The following PCDH9 variants were observed in gnomAD, a reference collection of about 807,000 sequenced individuals.
PCDH9 encodes protocadherin-9.
A neutral mutation model predicts 70.6 loss-of-function variants in PCDH9; 24 were observed. The observed-to-expected ratio is 0.34, with a 90% confidence interval of 0.25 to 0.48. The LOEUF (loss-of-function observed/expected upper bound fraction) is 0.48. PCDH9 is among the 20% of genes least tolerant of loss of function. PCDH9 has a pLI of 0.99. For missense variants in PCDH9, 1,281 were observed against 1,503.6 expected, an observed-to-expected ratio of 0.85 and a Z score of 2.45; for synonymous variants, 562 against 558.5, an observed-to-expected ratio of 1.01 and a Z score of -0.09.
intron 2 of PCDH9, among the ~76,000 whole-genome samples, chr13:67,010,601 T>G (rs1321132526): frequency 6.6e-6 from 1 of 151,952 alleles, no homozygotes; most frequent in Admixed American, 6.6e-5. Context: ...AGTCCTAGGA[T>G]CTTCTATTAC....
At chr13:67,094,166 C>G (rs1046967711) in intron 2 of PCDH9, among the ~76,000 whole-genome samples, 3 of 152,164 alleles carry the variant, frequency 2.0e-5, no homozygotes, top group Admixed American at 1.3e-4. Flanking sequence ...CAAAATAGAA[C>G]ATTCTTAAGT....
chr13:67,132,913 C>T (rs1165452454), intron 2 of PCDH9, among the ~76,000 whole-genome samples: 1 of 152,082 alleles, frequency 6.6e-6, no homozygotes, highest in Non-Finnish European at 1.5e-5. Flanking sequence ...GAAAGCCTAT[C>T]CTGACTACTC....
intron 4 of PCDH9, among the ~76,000 whole-genome samples, chr13:66,585,035 G>A (rs574538883): frequency 1.8e-4 from 27 of 152,134 alleles, no homozygotes; most frequent in African/African-American, 6.5e-4. Flanking sequence ...TTGGGGGTAG[G>A]GGGTAGGATA....
chr13:66,907,006 G>T (rs2082373189), intron 2 of PCDH9, among the ~76,000 whole-genome samples: 1 of 152,026 alleles, frequency 6.6e-6, no homozygotes, highest in African/African-American at 2.4e-5. Context: ...AGGAGTTTGA[G>T]ACCAGCCTGG....
At chr13:66,809,101 C>T (rs963657464) in intron 3 of PCDH9, among the ~76,000 whole-genome samples, 1 of 152,154 alleles carries the variant, frequency 6.6e-6, no homozygotes, top group Non-Finnish European at 1.5e-5. Context: ...GCCCCCGCCA[C>T]CACGCTCGAC....
At position 66,602,345 on chromosome 13, in the gene PCDH9, T is replaced by C. The variant is rs1017848196; in HGVS notation, c.3340+28865A>G. ...TTGATCTAGAAGAAATCATTGTTATTATAGGAGATAACAGCTCCATACATG... is the reference window on the plus strand; with the variant it reads ...TTGATCTAGAAGAAATCATTGTTATCATAGGAGATAACAGCTCCATACATG... On this transcript the variant is annotated intron_variant, in intron 4 of 4. Transcript: ENST00000377865. Among the ~76,000 whole-genome samples the C allele has an allele frequency of 2.7e-5, 4 of 146,394 alleles. 1 individual carries two copies. Among genetic ancestry groups the C allele is most frequent in the South Asian group, 4.4e-4 (2 of 4,554 alleles).
intron 4 of PCDH9, among the ~76,000 whole-genome samples, chr13:66,541,794 C>T (rs1162777392): frequency 6.6e-6 from 1 of 152,180 alleles, no homozygotes; most frequent in East Asian, 1.9e-4. Flanking sequence ...GTCTGACCCA[C>T]TACAGAGTAG....
chr13:67,096,814 C>G (rs569647405), intron 2 of PCDH9, among the ~76,000 whole-genome samples: 1 of 152,144 alleles, frequency 6.6e-6, no homozygotes, highest in East Asian at 1.9e-4. Flanking sequence ...CATGGGAATT[C>G]TTTGTACTTT....
At chr13:66,778,170 A>T (rs2139291084) in intron 3 of PCDH9, among the ~76,000 whole-genome samples, 1 of 151,600 alleles carries the variant, frequency 6.6e-6, no homozygotes, top group East Asian at 2.0e-4. Context: ...TTTAGGAGAT[A>T]TACCTAATGC....
intron 2 of PCDH9, among the ~76,000 whole-genome samples, chr13:67,152,746 T>C (rs1256991523): frequency 6.6e-6 from 1 of 152,154 alleles, no homozygotes; most frequent in Non-Finnish European, 1.5e-5. Flanking sequence ...GAAAGAATCA[T>C]CATTACTGCT....
chr13:67,082,907 T>C (rs1407867605), intron 2 of PCDH9, among the ~76,000 whole-genome samples: 1 of 152,156 alleles, frequency 6.6e-6, no homozygotes, highest in Non-Finnish European at 1.5e-5. Flanking sequence ...CTTTGAAACT[T>C]TATCTTTTCT....
intron 3 of PCDH9, among the ~76,000 whole-genome samples, chr13:66,718,307 TA>T (rs2078897451): frequency 6.6e-6 from 1 of 152,190 alleles, no homozygotes; most frequent in Non-Finnish European, 1.5e-5. Context: ...TATGTTGTGT[TA>T]CTCAAGCCCC....
At chr13:66,981,288 G>A (rs1016761312) in intron 2 of PCDH9, among the ~76,000 whole-genome samples, 23 of 151,710 alleles carry the variant, frequency 1.5e-4, no homozygotes, top group Admixed American at 2.0e-4. Context: ...AATACAAAAA[G>A]TTAGCCGGGC....
chr13:66,892,515 T>C (rs1431306162), intron 3 of PCDH9, among the ~76,000 whole-genome samples: 1 of 151,946 alleles, frequency 6.6e-6, no homozygotes, highest in Non-Finnish European at 1.5e-5. Context: ...TATCACAGCA[T>C]TTGGGCTTTG....
At chr13:66,753,481 T>A (rs2079491733) in intron 3 of PCDH9, among the ~76,000 whole-genome samples, 1 of 152,184 alleles carries the variant, frequency 6.6e-6, no homozygotes, top group African/African-American at 2.4e-5. Flanking sequence ...TTTTATATGT[T>A]AATGAAAATT....
intron 3 of PCDH9, among the ~76,000 whole-genome samples, chr13:66,632,148 G>A (rs1397645515): frequency 1.3e-5 from 2 of 152,230 alleles, no homozygotes; most frequent in East Asian, 3.9e-4. Context: ...GCCCGCCTTG[G>A]CCTCCCAAAG....
intron 2 of PCDH9, among the ~76,000 whole-genome samples, chr13:66,923,706 G>A (rs527262148): frequency 3.3e-5 from 5 of 151,624 alleles, no homozygotes; most frequent in Non-Finnish European, 5.9e-5. Flanking sequence ...AAAGCCAATT[G>A]GTTAAAAAGC....
intron 3 of PCDH9, among the ~76,000 whole-genome samples, chr13:66,863,520 T>G (rs953224819): frequency 6.6e-6 from 1 of 152,184 alleles, no homozygotes; most frequent in African/African-American, 2.4e-5. Flanking sequence ...GGAGTCTCAC[T>G]CTGTCGCCCA....
At chr13:67,103,008 T>C (rs1332324753) in intron 2 of PCDH9, among the ~76,000 whole-genome samples, 1 of 152,074 alleles carries the variant, frequency 6.6e-6, no homozygotes, top group Non-Finnish European at 1.5e-5. Context: ...AATAATTACC[T>C]AAAATATTTT....
Sources: gnomAD v4.1 joint callset for allele counts (sites outside exome capture counted in the v4.1 genomes callset) on GRCh38, gnomAD v4.1.1 for gene constraint, MANE v1.5 for transcripts, NCBI Gene and HGNC (gene_info 2026-07-23, HGNC 2026-07-21) for gene names.